The following CCDC63 variants were observed in gnomAD, a reference collection of about 807,000 sequenced individuals.
CCDC63 encodes coiled-coil domain-containing protein 63.
A neutral mutation model predicts 63.6 loss-of-function variants in CCDC63; 54 were observed. That is an observed-to-expected ratio of 0.85 (90% CI 0.68 to 1.07). The LOEUF is 1.07. CCDC63 is among the 50% of genes least tolerant of loss of function. The probability of loss-of-function intolerance (pLI) is 0.00; values close to 1 mark genes in which losing one functional copy is unlikely to be tolerated. For synonymous variants in CCDC63, 253 were observed against 266.1 expected (o/e 0.95, Z 0.48); for missense variants, 637 against 689.6 (o/e 0.92, Z 0.86).
rs761131838 is a variant in CCDC63, at chr12:110,853,457, A to G, written c.62A>G (p.Lys21Arg). 6.2e-7 allele frequency: 1 copy of G among 1,614,082 alleles called. No homozygotes were observed. Among genetic ancestry groups the G allele is most frequent in the Non-Finnish European group, 8.5e-7 (1 of 1,180,004 alleles). ...GACACTCCCCAGGAACCTTCGGAGA[A>G]GGCCAAAGAGCAGCAGGCGGAGGCA... ...DSDTPQEPSE[K>R]AKEQQAEAEL... The change falls in exon 3 of 12, where the codon AAG (lysine) becomes AGG (arginine). Residue 21 changes from lysine (K) to arginine (R), a missense_variant. Transcript: ENST00000308208.
At chr12:110,865,464 C>CAAAAAAAAA (rs10585238) in intron 4 of CCDC63, among the ~76,000 whole-genome samples, 57 of 102,228 alleles carry the variant, frequency 5.6e-4, no homozygotes, top group African/African-American at 1.2e-3. Context: ...CAGCATATAC[C>CAAAAAAAAA]AAAAAAAAAA....
chr12:110,895,383 G>A (rs1317359871), intron 9 of CCDC63, among the ~76,000 whole-genome samples: 2 of 152,204 alleles, frequency 1.3e-5, no homozygotes, highest in African/African-American at 4.8e-5. Flanking sequence ...CCAAAGTGCT[G>A]GGATTATAGG....
In CCDC63 at chr12:110,852,948, C is replaced by T. The variant is rs1166200294; in HGVS notation, c.-7C>T. The T allele has an allele frequency of 6.2e-7, 1 of 1,612,876 alleles. No homozygotes were observed. On this transcript the variant is annotated 5_prime_UTR_variant, in exon 2 of 12. Transcript: ENST00000308208. ...TCTGAGTGGAGGCAAAGTGCGGTTC[C>T]TTCAAGATGTCTGTGGTAGGTGATG...
intron 1 of CCDC63, among the ~76,000 whole-genome samples, chr12:110,851,849 A>G (rs975947947): frequency 6.6e-6 from 1 of 152,032 alleles, no homozygotes; most frequent in Non-Finnish European, 1.5e-5. Flanking sequence ...AATTTCTCCC[A>G]TTTTCCAGGT....
intron 1 of CCDC63, 28 bp from the exon 2 acceptor site, chr12:110,852,831 G>C (rs143239309): frequency 6.6e-7 from 1 of 1,517,476 alleles, no homozygotes; most frequent in Non-Finnish European, 9.1e-7. Context: ...TGGCTTACAA[G>C]TTCTCTTCCT....
chr12:110,882,032 G>A (rs944712522), intron 7 of CCDC63, among the ~76,000 whole-genome samples: 2 of 152,058 alleles, frequency 1.3e-5, no homozygotes, highest in South Asian at 2.1e-4. Flanking sequence ...AGCATATCTC[G>A]CAGGACTCAG....
intron 4 of CCDC63, among the ~76,000 whole-genome samples, chr12:110,865,954 A>G (rs1234222517): frequency 1.3e-5 from 2 of 150,558 alleles, no homozygotes; most frequent in African/African-American, 4.9e-5. Context: ...TCTTTGAGCT[A>G]TGGAACTTAG....
chr12:110,868,060 C>G (rs1021929454), intron 4 of CCDC63, among the ~76,000 whole-genome samples: 28 of 145,938 alleles, frequency 1.9e-4, no homozygotes. Context: ...GACGGGGTCT[C>G]GGCCGGGCAG....
intron 10 of CCDC63, among the ~76,000 whole-genome samples, chr12:110,902,928 G>C (rs2136749409): frequency 6.6e-6 from 1 of 150,820 alleles, no homozygotes; most frequent in East Asian, 2.0e-4. Flanking sequence ...TGTCACCCAG[G>C]CTGGAGTGCA....
chr12:110,903,291 T>C (rs1367411568), intron 10 of CCDC63, among the ~76,000 whole-genome samples: 8 of 152,188 alleles, frequency 5.3e-5, no homozygotes. Context: ...GCAGGAGCCA[T>C]TGTGCCCGGC....
Position 110,873,954 on chromosome 12 carries a change from T to G in CCDC63, c.482T>G (p.Leu161Trp), listed in dbSNP as rs1410417860. ...CAGATTCACATTTTGGAAACCCGTT[T>G]GAATCTCGTATGTAAAGTGTTCTCT... ...QKQIHILETR[L>W]NLVTVHFDKM... The change falls in exon 5 of 12, where the codon TTG (leucine) becomes TGG (tryptophan). Residue 161 changes from leucine to tryptophan, a missense_variant. By Grantham distance (61) the Leu-to-Trp change is moderately conservative. Coordinates refer to ENST00000308208, the MANE Select transcript of CCDC63 (RefSeq NM_152591.3). 1 of 1,611,528 alleles carries G rather than the reference T, an allele frequency of 6.2e-7. No individual in the cohort carries two copies. The highest frequency in any genetic ancestry group is 2.2e-5 in the East Asian group (1 of 44,824).
At chr12:110,872,419 G>A (rs886977560) in intron 4 of CCDC63, among the ~76,000 whole-genome samples, 5 of 152,202 alleles carry the variant, frequency 3.3e-5, no homozygotes, top group Admixed American at 2.0e-4. Flanking sequence ...GACAGATGCA[G>A]GCTGACTGTA....
At chr12:110,855,033 C>A (rs150187171) in intron 3 of CCDC63, among the ~76,000 whole-genome samples, 1 of 152,040 alleles carries the variant, frequency 6.6e-6, no homozygotes, top group African/African-American at 2.4e-5. Flanking sequence ...TCAAGCAATC[C>A]GCCCGCCTAG....
intron 1 of CCDC63, among the ~76,000 whole-genome samples, chr12:110,852,149 A>G (rs924163458): frequency 6.6e-6 from 1 of 152,294 alleles, no homozygotes; most frequent in East Asian, 1.9e-4. Context: ...TGGTGACATG[A>G]TAAGAATACT....
chr12:110,875,555 A>T (rs79905945), intron 5 of CCDC63, among the ~76,000 whole-genome samples: 1 of 151,684 alleles, frequency 6.6e-6, no homozygotes, highest in Non-Finnish European at 1.5e-5. Flanking sequence ...TTCTAAGTCT[A>T]TTCAGATGTT....
chr12:110,864,248 T>G (rs941014749), intron 4 of CCDC63, among the ~76,000 whole-genome samples: 7 of 152,242 alleles, frequency 4.6e-5, no homozygotes, highest in Admixed American at 2.6e-4. Flanking sequence ...TATGAGTACC[T>G]GGTTATAACC....
chr12:110,906,040 TA>T (rs1335294593), intron 11 of CCDC63, among the ~76,000 whole-genome samples: 20 of 57,092 alleles, frequency 3.5e-4, no homozygotes, highest in African/African-American at 1.5e-3. Context: ...TATAATAATA[TA>T]ATATATAATA....
At chr12:110,845,670 C>T (rs2070629053), upstream of CCDC63, 1 of 152,132 alleles carries the variant, frequency 6.6e-6, no homozygotes, top group South Asian at 2.1e-4. Flanking sequence ...ACTGACTTCC[C>T]TCATGGTTAC....
intron 4 of CCDC63, among the ~76,000 whole-genome samples, chr12:110,867,978 G>A (rs1484299354): frequency 6.7e-6 from 1 of 148,418 alleles, no homozygotes; most frequent in Non-Finnish European, 1.5e-5. Context: ...TCTCAGACGG[G>A]GCGGTTGCCA....
Sources: gnomAD v4.1 joint callset for allele counts (sites outside exome capture counted in the v4.1 genomes callset) on GRCh38, gnomAD v4.1.1 for gene constraint, MANE v1.5 for transcripts, NCBI Gene and HGNC (gene_info 2026-07-23, HGNC 2026-07-21) for gene names.